Variants in ITGA2 observed in about 807,000 individuals in gnomAD.
ITGA2 encodes the protein integrin alpha-2.
In ITGA2, 101 loss-of-function variants were observed where a neutral mutation model predicts 146.3. The observed-to-expected ratio is 0.69, with a 90% CI of 0.59 to 0.81. The LOEUF is 0.81. Among genes scored for constraint, ITGA2 ranks in the 40% least tolerant of loss-of-function variants. The probability of loss-of-function intolerance (pLI) is 0.00; values close to 1 mark genes in which losing one functional copy is unlikely to be tolerated. For missense variants in ITGA2, 1,281 were observed against 1,402.7 expected (o/e 0.91, Z 1.39); for synonymous variants, 477 against 487.1 (o/e 0.98, Z 0.27).
At chr5:53,081,427 T>G (rs1245155754) in intron 25 of ITGA2, among the ~76,000 whole-genome samples, 165 bp from the exon 26 acceptor site, 1 of 152,182 alleles carries the variant, frequency 6.6e-6, no homozygotes, top group Non-Finnish European at 1.5e-5. Context: ...ATACTTGATG[T>G]TCACCTAGAG....
At chr5:53,008,472 C>G (rs977490299) in intron 1 of ITGA2, among the ~76,000 whole-genome samples, 1 of 151,558 alleles carries the variant, frequency 6.6e-6, no homozygotes, top group African/African-American at 2.4e-5. Flanking sequence ...TGTAACACCC[C>G]CTTTGGCTTA....
intron 27 of ITGA2, among the ~76,000 whole-genome samples, chr5:53,084,664 C>T (rs1290573928): frequency 2.7e-5 from 4 of 149,868 alleles, no homozygotes; most frequent in Admixed American, 6.6e-5. Flanking sequence ...AGACGTGAAG[C>T]GTGCCGTTAG....
At position 53,091,321 on chromosome 5, in the gene ITGA2, T is replaced by TA. The variant is rs888792814; in HGVS notation, c.*724dup. ...TTAGGAGAGGGGGCGATATAGAGAATAAGGCACAAAATTTTGTTTAAAACT... is the reference window on the plus strand; with the variant it reads ...TTAGGAGAGGGGGCGATATAGAGAATAAAGGCACAAAATTTTGTTTAAAACT... On this transcript the variant is annotated 3_prime_UTR_variant, in exon 30 of 30. Coordinates refer to ENST00000296585, the MANE Select transcript of ITGA2 (RefSeq NM_002203.4). 1 of 152,490 alleles carries TA rather than the reference T, an allele frequency of 6.6e-6. No homozygotes were observed. Among genetic ancestry groups the TA allele is most frequent in the African/African-American group, 2.4e-5 (1 of 41,348 alleles). 9.4% of individuals were successfully genotyped at this position (152,490 alleles called of 1,614,324 possible). A position where few individuals can be genotyped will look rare whatever the true frequency, so the allele number is the denominator to read the frequency against.
At chr5:53,044,551 A>G (rs552043372) in intron 3 of ITGA2, among the ~76,000 whole-genome samples, 2 of 152,106 alleles carry the variant, frequency 1.3e-5, no homozygotes, top group South Asian at 2.1e-4. Context: ...ATTTCCTTTT[A>G]ACATTCACCC....
Position 53,031,633 on chromosome 5 carries a change from C to T in ITGA2, c.185+4765C>T, listed in dbSNP as rs1359727938. Reference sequence around the variant, plus strand: ...TTTCATTTATGAGACTTTCATTGCACTATGAACTTCAACTCTAGAAACAGT... The same window carrying T: ...TTTCATTTATGAGACTTTCATTGCATTATGAACTTCAACTCTAGAAACAGT... On this transcript the variant is annotated intron_variant, in intron 2 of 29. Coordinates refer to ENST00000296585, the MANE Select transcript of ITGA2 (RefSeq NM_002203.4). 3.3e-5 allele frequency among the ~76,000 whole-genome samples: 5 copies of T among 152,336 alleles called. No individual in the cohort carries two copies. In the East Asian group the frequency reaches 9.6e-4, roughly 29 times the overall value.
chr5:53,063,334 G>A (rs1744987595), intron 13 of ITGA2, among the ~76,000 whole-genome samples: 1 of 151,770 alleles, frequency 6.6e-6, no homozygotes, highest in South Asian at 2.1e-4. Context: ...AAAAACAGAA[G>A]TTTTACCAAG....
intron 4 of ITGA2, among the ~76,000 whole-genome samples, chr5:53,048,049 G>C (rs1182883002): frequency 6.6e-6 from 1 of 152,104 alleles, no homozygotes; most frequent in Non-Finnish European, 1.5e-5. Context: ...CTCCTCCTTG[G>C]TGTTCTCTGG....
At position 53,065,707 on chromosome 5, in the gene ITGA2, T is replaced by A. The variant is rs998489762; in HGVS notation, c.1807-134T>A. ...TAATAAGATGTGATTAAAAAATGAA[T>A]CTTTAGAATTTGTAGAGAATAAACA... is the stretch of plus-strand genomic sequence containing the variant. On this transcript the variant is annotated intron_variant, in intron 14 of 29. Coordinates refer to ENST00000296585, the MANE Select transcript of ITGA2 (RefSeq NM_002203.4). 8 of 1,149,752 alleles carry A rather than the reference T, an allele frequency of 7.0e-6. No individual in the cohort carries two copies. In the African/African-American group the frequency reaches 1.1e-4, roughly 16 times the overall value. The allele number at this position is 1,149,752 out of a possible 1,614,324, so 71.2% of individuals were successfully genotyped here. A position where few individuals can be genotyped will look rare whatever the true frequency, so the allele number is the denominator to read the frequency against.
At position 52,989,358 on chromosome 5, in the gene ITGA2, G is replaced by A. The variant is rs1740792368; in HGVS notation, c.-111G>A. The A allele has an allele frequency of 3.5e-6, 4 of 1,145,002 alleles. No homozygotes were observed. In the Admixed American group the frequency reaches 5.5e-5, roughly 16 times the overall value. 70.9% of individuals were successfully genotyped at this position (1,145,002 alleles called of 1,614,324 possible). The stretch of plus-strand genomic sequence containing the variant: ...TGCTCTCACCGGGCGGGGGAGAGAA[G>A]CCCTCTGGACAGCTTCTAGAGTGTG... On this transcript the variant is annotated 5_prime_UTR_variant, in exon 1 of 30. Coordinates refer to ENST00000296585, the MANE Select transcript of ITGA2 (RefSeq NM_002203.4).
chr5:53,007,493 G>A (rs1741914178), intron 1 of ITGA2, among the ~76,000 whole-genome samples: 1 of 151,860 alleles, frequency 6.6e-6, no homozygotes, highest in Admixed American at 6.6e-5. Flanking sequence ...TATTTTGAGA[G>A]AGAGAAACGG....
intron 4 of ITGA2, among the ~76,000 whole-genome samples, chr5:53,046,194 CA>C (rs58926174): frequency 0.027 from 2,627 of 98,900 alleles, 15 homozygotes; most frequent in African/African-American, 0.05. Context: ...GACTCTGTCT[CA>C]AAAAAAAAAA....
chr5:53,026,657 C>G, intron 1 of ITGA2, 91 bp from the exon 2 acceptor site: 1 of 1,171,946 alleles, frequency 8.5e-7, no homozygotes, highest in Non-Finnish European at 1.3e-6. Flanking sequence ...TTAGGTCAAG[C>G]AAGTTTTCTT....
intron 26 of ITGA2, 88 bp downstream of exon 26, chr5:53,081,784 CAT>C (rs1561153765): frequency 1.2e-6 from 1 of 866,384 alleles, no homozygotes; most frequent in Non-Finnish European, 1.9e-6. Flanking sequence ...CAGCTGATAT[CAT>C]AGAGCTTTCT....
At chr5:53,063,471 C>A (rs887586752) in intron 13 of ITGA2, among the ~76,000 whole-genome samples, 3 of 151,752 alleles carry the variant, frequency 2.0e-5, no homozygotes, top group African/African-American at 7.3e-5. Flanking sequence ...CAAAAAAACA[C>A]CATACATTAA....
intron 2 of ITGA2, among the ~76,000 whole-genome samples, chr5:53,032,022 C>G (rs1743250847): frequency 6.6e-6 from 1 of 152,172 alleles, no homozygotes. Context: ...CCAGAGAGAA[C>G]TGCAATCTCT....
rs1740369913 is a variant in ITGA2 at position 53,090,648 on chromosome 5, T to G, written c.*49T>G. 6.9e-7 allele frequency: 1 copy of G among 1,445,902 alleles called. No homozygotes were observed. The highest frequency in any genetic ancestry group is 2.3e-5 in the East Asian group (1 of 43,958). The allele number at this position is 1,445,902 out of a possible 1,614,324, so 89.6% of individuals were successfully genotyped here. ...GAACCGGCAGCATCCCAGCCAGGGT[T>G]TGCTGTTTGCGTGAATGGATTTCTT... On this transcript the variant is annotated 3_prime_UTR_variant, in exon 30 of 30. Coordinates refer to ENST00000296585, the MANE Select transcript of ITGA2 (RefSeq NM_002203.4).
In ITGA2 at chr5:53,055,573, G is replaced by A. The variant is rs756548150; in HGVS notation, c.815G>A (p.Arg272Gln). 1.3e-5 allele frequency: 21 copies of A among 1,612,958 alleles called. No homozygotes were observed. Among genetic ancestry groups the A allele is most frequent in the East Asian group, 8.9e-5 (4 of 44,838 alleles). ...TATTCAGCAGCTTCTGGTGGGCGAC[G>A]AAGTGCTACGAAAGTAATGGTAGTT... ...YAYSAASGGR[R>Q]SATKVMVVVT... The change falls in exon 8 of 30, where the codon CGA (arginine) becomes CAA (glutamine). Residue 272 changes from arginine (R) to glutamine (Q), a missense_variant. By Grantham distance (43) the Arg-to-Gln change is conservative (BLOSUM62 1). Around this residue, in one of 3 missense-constraint regions of ITGA2, gnomAD observed 795 missense variants for 841.7 expected, o/e 0.94. Transcript: ENST00000296585.
At chr5:52,997,891 A>G (rs35238) in intron 1 of ITGA2, among the ~76,000 whole-genome samples, 136,383 of 152,184 alleles carry the variant, frequency 0.9, 61,921 homozygotes, top group Non-Finnish European at 0.97. Flanking sequence ...CTATGGTGGA[A>G]GAGGGGAAGG....
chr5:52,989,558 G>A (rs373745362), intron 1 of ITGA2, 26 bp downstream of exon 1: 3 of 1,613,352 alleles, frequency 1.9e-6, no homozygotes, highest in Non-Finnish European at 1.7e-6. Flanking sequence ...GCTCTGCATC[G>A]GCTGCAGGAG....
Sources: gnomAD v4.1 joint callset for allele counts (sites outside exome capture counted in the v4.1 genomes callset) on GRCh38, gnomAD v4.1.1 for gene constraint, gnomAD v4.1.1 regional missense constraint, MANE v1.5 for transcripts, NCBI Gene and HGNC (gene_info 2026-07-23, HGNC 2026-07-21) for gene names.